KCNMA1: variants seen among roughly 807,000 people sequenced by gnomAD.
KCNMA1 encodes the protein potassium calcium-activated channel subfamily M alpha 1.
KCNMA1 carries 29 observed loss-of-function variants against 140.0 expected under a neutral mutation model. The ratio of observed to expected loss-of-function variants is 0.21; its 90% CI spans 0.15 to 0.28. The LOEUF (loss-of-function observed/expected upper bound fraction) is 0.28. KCNMA1 is among the 10% of genes least tolerant of loss of function. The pLI, the probability that KCNMA1 is intolerant of heterozygous loss-of-function variation, is 1.00. For synonymous variants in KCNMA1, 612 were observed against 611.9 expected (o/e 1.00, Z 0.00); for missense variants, 880 against 1,602.2 (o/e 0.55, Z 7.70).
chr10:77,270,370 G>C (rs181458105), intron 2 of KCNMA1, among the ~76,000 whole-genome samples: 1 of 152,300 alleles, frequency 6.6e-6, no homozygotes, highest in East Asian at 1.9e-4. Context: ...GGGAACTGGA[G>C]TGAGCTCAGC....
chr10:77,333,517 C>T (rs535534291), intron 2 of KCNMA1, among the ~76,000 whole-genome samples: 13 of 152,266 alleles, frequency 8.5e-5, no homozygotes, highest in South Asian at 6.2e-4. Flanking sequence ...TTACTATAAA[C>T]GAGTCGCATG....
chr10:77,424,629 T>C (rs1438718986), intron 1 of KCNMA1, among the ~76,000 whole-genome samples: 2 of 151,998 alleles, frequency 1.3e-5, no homozygotes, highest in African/African-American at 4.8e-5. Context: ...GTTGAAGATC[T>C]CTCAGGGGAA....
chr10:76,910,141 A>C, intron 24 of KCNMA1, 45 bp from the exon 25 acceptor site: 1 of 1,608,478 alleles, frequency 6.2e-7, no homozygotes, highest in Non-Finnish European at 8.5e-7. Flanking sequence ...GACCACACAC[A>C]GGCATTGAAG....
chr10:77,252,534 T>TGTGC (rs1476255487), intron 2 of KCNMA1, among the ~76,000 whole-genome samples: 2 of 151,570 alleles, frequency 1.3e-5, no homozygotes, highest in African/African-American at 4.9e-5. Context: ...TTTGTGTGTG[T>TGTGC]GTGTGTGTGT....
intron 3 of KCNMA1, among the ~76,000 whole-genome samples, chr10:77,221,909 T>G (rs907178094): frequency 1.3e-5 from 2 of 152,222 alleles, no homozygotes; most frequent in Admixed American, 6.5e-5. Flanking sequence ...GCCAGACAGA[T>G]GCAGGTTCAA....
intron 15 of KCNMA1, chr10:77,039,266 G>A: frequency 1.8e-6 from 1 of 555,576 alleles, no homozygotes; most frequent in South Asian, 2.0e-5. Context: ...CAGGATAACT[G>A]TAGTTCATAA....
intron 1 of KCNMA1, among the ~76,000 whole-genome samples, chr10:77,423,499 C>T (rs1026478410): frequency 2.0e-5 from 3 of 152,118 alleles, no homozygotes; most frequent in Admixed American, 6.6e-5. Context: ...CAGACATAGT[C>T]CTGTGCCCGA....
intron 2 of KCNMA1, among the ~76,000 whole-genome samples, chr10:77,353,525 T>A (rs2093136572): frequency 6.6e-6 from 1 of 151,988 alleles, no homozygotes. Context: ...ATAAGATATG[T>A]CTATCTATCC....
intron 25 of KCNMA1, among the ~76,000 whole-genome samples, chr10:76,905,554 C>G (rs1202057068): frequency 6.6e-6 from 1 of 152,208 alleles, no homozygotes; most frequent in Non-Finnish European, 1.5e-5. Context: ...ATAATGGCCT[C>G]CAACTGCTTC....
chr10:76,893,940 T>C (rs973166677), intron 25 of KCNMA1, among the ~76,000 whole-genome samples: 10 of 152,064 alleles, frequency 6.6e-5, no homozygotes, highest in Non-Finnish European at 1.3e-4. Flanking sequence ...GTAATACCTA[T>C]CAAAATCACA....
chr10:77,529,507 C>T (rs1471766373), intron 1 of KCNMA1, among the ~76,000 whole-genome samples: 1 of 152,148 alleles, frequency 6.6e-6, no homozygotes, highest in Non-Finnish European at 1.5e-5. Flanking sequence ...GACAGAGCTC[C>T]CCACCTCAGC....
At chr10:77,404,615 G>A (rs1162569647) in intron 1 of KCNMA1, among the ~76,000 whole-genome samples, 1 of 152,180 alleles carries the variant, frequency 6.6e-6, no homozygotes, top group African/African-American at 2.4e-5. Flanking sequence ...TAAGATTAGG[G>A]CATGCTGAGG....
intron 25 of KCNMA1, among the ~76,000 whole-genome samples, chr10:76,895,313 C>T (rs1003849036): frequency 2.0e-5 from 3 of 152,140 alleles, no homozygotes; most frequent in Non-Finnish European, 2.9e-5. Flanking sequence ...TTCTTTAACT[C>T]GGTGTCTGAG....
intron 9 of KCNMA1, among the ~76,000 whole-genome samples, chr10:77,103,110 G>A (rs2097134007): frequency 6.6e-6 from 1 of 152,082 alleles, no homozygotes; most frequent in African/African-American, 2.4e-5. Flanking sequence ...CTCAACTATT[G>A]AATACTCAAT....
chr10:77,115,178 T>C (rs2097426325), intron 6 of KCNMA1, among the ~76,000 whole-genome samples: 1 of 152,226 alleles, frequency 6.6e-6, no homozygotes, highest in African/African-American at 2.4e-5. Context: ...TGACAGTTCA[T>C]GGAAAGAATA....
At chr10:77,431,350 G>T (rs904884712) in intron 1 of KCNMA1, among the ~76,000 whole-genome samples, 14 of 152,192 alleles carry the variant, frequency 9.2e-5, no homozygotes, top group African/African-American at 2.2e-4. Context: ...ATTTTGCATG[G>T]GGATTGAAAT....
At chr10:77,286,755 GT>G (rs2071025158) in intron 2 of KCNMA1, among the ~76,000 whole-genome samples, 2 of 29,180 alleles carry the variant, frequency 6.9e-5, no homozygotes, top group Non-Finnish European at 1.5e-4. Flanking sequence ...GGGACGGTGT[GT>G]GTGTGTGTGC....
At chr10:77,513,254 G>A (rs1228554523) in intron 1 of KCNMA1, among the ~76,000 whole-genome samples, 9 of 152,024 alleles carry the variant, frequency 5.9e-5, no homozygotes, top group African/African-American at 1.7e-4. Context: ...TACGTGGAAC[G>A]CTCTTCCCCC....
chr10:77,454,700 TG>T (rs1300614052), intron 1 of KCNMA1, among the ~76,000 whole-genome samples: 1 of 152,184 alleles, frequency 6.6e-6, no homozygotes, highest in Non-Finnish European at 1.5e-5. Context: ...CTTCTTTACT[TG>T]GGGATTAACA....
Sources: allele counts gnomAD v4.1 joint callset (sites outside exome capture counted in the v4.1 genomes callset), GRCh38; gene constraint gnomAD v4.1.1; transcripts MANE v1.5; gene names NCBI Gene and HGNC (gene_info 2026-07-23, HGNC 2026-07-21).